Variants in RDH12 observed in about 807,000 individuals in gnomAD.
RDH12 encodes retinol dehydrogenase 12.
Under a neutral mutation model 34.0 loss-of-function variants are expected in RDH12, and 21 were observed. The observed-to-expected ratio is 0.62, with a 90% CI of 0.44 to 0.89. RDH12 has a LOEUF of 0.89. Ranked by LOEUF, RDH12 falls within the 40% of genes least tolerant of loss-of-function variation. RDH12 has a pLI of 0.00. For synonymous variants in RDH12, 198 were observed against 169.9 expected (o/e 1.17, Z -1.29); for missense variants, 394 against 398.6 (o/e 0.99, Z 0.10).
intron 8 of RDH12, among the ~76,000 whole-genome samples, chr14:67,731,517 C>T (rs2038275460): frequency 6.6e-6 from 1 of 151,696 alleles, no homozygotes; most frequent in African/African-American, 2.4e-5. Context: ...GCCTGGTCTT[C>T]CCATCATATT....
intron 1 of RDH12, among the ~76,000 whole-genome samples, chr14:67,719,550 A>G (rs2038101162): frequency 6.6e-6 from 1 of 152,036 alleles, no homozygotes; most frequent in Non-Finnish European, 1.5e-5. Context: ...TCATGGCTCA[A>G]TGCAGCCTCA....
chr14:67,712,316 C>A (rs1447217862), intron 1 of RDH12, among the ~76,000 whole-genome samples: 1 of 151,998 alleles, frequency 6.6e-6, no homozygotes, highest in African/African-American at 2.4e-5. Flanking sequence ...TGAGGTTAAA[C>A]CATGTGATGC....
In RDH12 at chr14:67,725,355, C is replaced by T. The variant is rs138859937; in HGVS notation, c.343+101C>T. On this transcript the variant is annotated intron_variant, in intron 5 of 8. Transcript: ENST00000551171. ...GCCCTTACATCAGAACCATCATCCACCCCACTAGACAGGTTCTGCCACATG... is the reference window on the plus strand; with the variant it reads ...GCCCTTACATCAGAACCATCATCCATCCCACTAGACAGGTTCTGCCACATG... 1,446 of 1,218,282 alleles carry T rather than the reference C, an allele frequency of 1.2e-3. 2 individuals are homozygous for T. The highest frequency in any genetic ancestry group is 3.5e-3 in the Middle Eastern group (13 of 3,762). The allele number at this position is 1,218,282 out of a possible 1,614,324, so 75.5% of individuals were successfully genotyped here. A position where few individuals can be genotyped will look rare whatever the true frequency, so the allele number is the denominator to read the frequency against.
chr14:67,706,279 A>C (rs149786584), intron 1 of RDH12: 15 of 152,356 alleles, frequency 9.8e-5, no homozygotes, highest in African/African-American at 3.6e-4. Flanking sequence ...TAAAAATATA[A>C]TGTCATTTTC....
intron 1 of RDH12, among the ~76,000 whole-genome samples, chr14:67,712,770 C>T (rs1280846893): frequency 6.6e-6 from 1 of 152,070 alleles, no homozygotes; most frequent in African/African-American, 2.4e-5. Context: ...AAAAAGAAGG[C>T]AGAACTTTAG....
At chr14:67,708,505 G>A (rs1313364546) in intron 1 of RDH12, among the ~76,000 whole-genome samples, 1 of 151,998 alleles carries the variant, frequency 6.6e-6, no homozygotes, top group African/African-American at 2.4e-5. Context: ...GATGATGAAA[G>A]GTTTTAGGGC....
Position 67,726,047 on chromosome 14 carries a change from A to G in RDH12, c.344-4A>G, listed in dbSNP as rs768655343. The stretch of plus-strand genomic sequence containing the variant: ...CATAGGATCTCTTTGGTTGTGCCCT[A>G]TAGAGGAAAAGCAGCTCCATATTCT... On this transcript the variant is annotated splice_region_variant and splice_polypyrimidine_tract_variant and intron_variant, in intron 5 of 8. Coordinates refer to ENST00000551171, the MANE Select transcript of RDH12 (RefSeq NM_152443.3). 14 of 1,607,338 alleles carry G rather than the reference A, an allele frequency of 8.7e-6. No homozygotes were observed. In the African/African-American group the frequency reaches 9.4e-5, roughly 11 times the overall value.
At chr14:67,721,257 AG>A (rs1429782878) in intron 2 of RDH12, among the ~76,000 whole-genome samples, 1 of 152,134 alleles carries the variant, frequency 6.6e-6, no homozygotes, top group Non-Finnish European at 1.5e-5. Context: ...AGGAACACAG[AG>A]CGAGGAAGGG....
intron 1 of RDH12, among the ~76,000 whole-genome samples, chr14:67,703,880 G>T (rs1478373115): frequency 1.3e-5 from 2 of 152,122 alleles, no homozygotes; most frequent in African/African-American, 2.4e-5. Context: ...GTTTTGCCAT[G>T]TTGCCCAGGC....
intron 3 of RDH12, 57 bp from the exon 4 acceptor site, chr14:67,724,416 T>C: frequency 1.8e-6 from 2 of 1,094,164 alleles, no homozygotes; most frequent in Admixed American, 1.7e-5. Flanking sequence ...TTTTAACGTA[T>C]CTTAGTGTGA....
intron 7 of RDH12, chr14:67,727,737 C>A: frequency 5.6e-6 from 1 of 178,540 alleles, no homozygotes; most frequent in Non-Finnish European, 1.2e-5. Context: ...CAGAAGAGGC[C>A]TTTGGTAACA....
intron 3 of RDH12, among the ~76,000 whole-genome samples, chr14:67,723,242 A>T (rs2038145976): frequency 1.3e-5 from 2 of 152,026 alleles, no homozygotes; most frequent in Non-Finnish European, 2.9e-5. Context: ...GAGAATTTTT[A>T]AATTTCTCTT....
chr14:67,729,670 A>G (rs1469657926), intron 8 of RDH12: 1 of 590,028 alleles, frequency 1.7e-6, no homozygotes, highest in African/African-American at 1.8e-5. Context: ...TGGTTATGCC[A>G]TGGAGATCTG....
rs768529208 is a variant in RDH12 at position 67,722,612 on chromosome 14, A to C, written c.-31A>C. On this transcript the variant is annotated 5_prime_UTR_variant, in exon 3 of 9. Coordinates refer to ENST00000551171, the MANE Select transcript of RDH12 (RefSeq NM_152443.3). ...CTGGGGTTGAAGCTGGAGCAGCAGC[A>C]AAAGCAACAGCAGCTACAGAAGTTG... 1 of 1,602,682 alleles carries C rather than the reference A, an allele frequency of 6.2e-7. No individual in the cohort carries two copies. Among genetic ancestry groups the C allele is most frequent in the Non-Finnish European group, 8.6e-7 (1 of 1,169,518 alleles).
intron 1 of RDH12, among the ~76,000 whole-genome samples, chr14:67,709,900 G>A (rs2037991510): frequency 6.6e-6 from 1 of 152,148 alleles, no homozygotes; most frequent in Non-Finnish European, 1.5e-5. Flanking sequence ...AACTGCTTAG[G>A]GCAAACCTGC....
chr14:67,723,787 C>A (rs1239217050), intron 3 of RDH12, among the ~76,000 whole-genome samples: 1 of 152,260 alleles, frequency 6.6e-6, no homozygotes, highest in Admixed American at 6.5e-5. Context: ...AATGTTAGTT[C>A]TGCCCCTCCG....
At chr14:67,720,423 A>T (rs559485881) in intron 1 of RDH12, among the ~76,000 whole-genome samples, 2 of 152,184 alleles carry the variant, frequency 1.3e-5, no homozygotes, top group South Asian at 4.1e-4. Flanking sequence ...AGGTCTTACC[A>T]CTCTAAAAAT....
intron 1 of RDH12, among the ~76,000 whole-genome samples, chr14:67,708,244 G>A (rs114758722): frequency 0.13 from 19,634 of 152,112 alleles, 1,324 homozygotes; most frequent in East Asian, 0.21. Flanking sequence ...GATCAGCAAC[G>A]TTTTAAGCAA....
At chr14:67,702,932 G>A (rs533742837) in intron 1 of RDH12, among the ~76,000 whole-genome samples, 1 of 152,220 alleles carries the variant, frequency 6.6e-6, no homozygotes, top group South Asian at 2.1e-4. Flanking sequence ...TCCCACCTCA[G>A]CCTCCTGAGT....
Sources: allele counts gnomAD v4.1 joint callset (sites outside exome capture counted in the v4.1 genomes callset), GRCh38; gene constraint gnomAD v4.1.1; transcripts MANE v1.5; gene names NCBI Gene and HGNC (gene_info 2026-07-23, HGNC 2026-07-21).